UTP14A: variants seen among roughly 807,000 people sequenced by gnomAD.
UTP14A encodes U3 small nucleolar RNA-associated protein 14 homolog A.
Under a neutral mutation model 57.2 loss-of-function variants are expected in UTP14A, and 5 were observed. The observed-to-expected ratio is 0.09, with a 90% CI of 0.05 to 0.18. UTP14A has a LOEUF of 0.18. UTP14A is among the 10% of genes least tolerant of loss of function. The pLI is 1.00. For missense variants in UTP14A, 430 were observed against 562.1 expected (o/e 0.76, Z 2.38); for synonymous variants, 169 against 210.9 (o/e 0.80, Z 1.72).
Position 129,921,927 on chromosome X carries a change from G to A in UTP14A, c.1348+340G>A, listed in dbSNP as rs144972978. 1,052 of 172,638 alleles carry A rather than the reference G, an allele frequency of 6.1e-3. 16 individuals carry two copies. Among genetic ancestry groups the A allele is most frequent in the African/African-American group, 0.03 (981 of 33,032 alleles). 14.2% of individuals were successfully genotyped at this position (172,638 alleles called of 1,213,427 possible). ...GTACCTACACACCAGGGAGAAGTAC[G>A]TATGGTAGAATGGCAAATCTGAAAG... On this transcript the variant is annotated intron_variant, in intron 11 of 14. Coordinates refer to ENST00000394422, the MANE Select transcript of UTP14A (RefSeq NM_006649.4).
rs1347857493 is a variant in UTP14A, at chrX:129,911,752, C to T, written c.382-14C>T. ...CTTGTGGCTCTTTCCGTTTACATGCCTTGCCTGCTTCAGATCCACAGAGAA... is the reference window on the plus strand; with the variant it reads ...CTTGTGGCTCTTTCCGTTTACATGCTTTGCCTGCTTCAGATCCACAGAGAA... On this transcript the variant is annotated splice_polypyrimidine_tract_variant and intron_variant, in intron 5 of 14. Transcript: ENST00000394422. The T allele has an allele frequency of 8.3e-7, 1 of 1,208,270 alleles. No homozygotes were observed. Among genetic ancestry groups the T allele is most frequent in the East Asian group, 3.0e-5 (1 of 33,745 alleles).
intron 12 of UTP14A, among the ~76,000 whole-genome samples, chrX:129,925,710 G>C (rs965394075): frequency 1.8e-5 from 2 of 112,346 alleles, no homozygotes; most frequent in African/African-American, 6.5e-5. Flanking sequence ...GTTTAAAATT[G>C]TGTCATATGA....
chrX:129,912,522 TTTTC>T (rs779221449), intron 6 of UTP14A, among the ~76,000 whole-genome samples: 189 of 110,912 alleles, frequency 1.7e-3, no homozygotes, highest in African/African-American at 5.8e-3. Flanking sequence ...CATAATAATG[TTTTC>T]TTTCTTTTAC....
chrX:129,924,045 C>T (rs778942489), intron 11 of UTP14A, among the ~76,000 whole-genome samples: 1 of 108,928 alleles, frequency 9.2e-6, no homozygotes, highest in South Asian at 4.0e-4. Flanking sequence ...GCAGCCTTGA[C>T]CTTCTGGCTC....
At chrX:129,910,822 TG>T (rs1467193293) in intron 4 of UTP14A, among the ~76,000 whole-genome samples, 185 bp from the exon 5 acceptor site, 1 of 112,764 alleles carries the variant, frequency 8.9e-6, no homozygotes, top group East Asian at 2.8e-4. Flanking sequence ...CTAACACGTT[TG>T]GGGATGAATG....
intron 11 of UTP14A, 67 bp downstream of exon 11, chrX:129,921,654 A>T: frequency 9.0e-7 from 1 of 1,110,438 alleles, no homozygotes; most frequent in Non-Finnish European, 1.2e-6. Flanking sequence ...AGAAAAAAAA[A>T]ATGTGTCCAC....
In UTP14A at chrX:129,908,809, C is replaced by A. The variant is rs41304948; in HGVS notation, c.238+75C>A. On this transcript the variant is annotated intron_variant, in intron 4 of 14. Coordinates refer to ENST00000394422, the MANE Select transcript of UTP14A (RefSeq NM_006649.4). ...AGGGCATTGTGTTCACCTCACCCCC[C>A]CTAGGAACTGTTTTTGATGTGGTTA... 2.2e-3 allele frequency: 2,189 copies of A among 982,607 alleles called. 5 individuals carry two copies. The highest frequency in any genetic ancestry group is 3.0e-3 in the Non-Finnish European group (2,047 of 693,482). 81.0% of individuals were successfully genotyped at this position (982,607 alleles called of 1,213,427 possible).
rs1930235115 is a variant in UTP14A at position 129,929,450 on chromosome X, A to C, written c.2158A>C (p.Lys720Gln). Residue 720 changes from lysine to glutamine, a missense_variant, in exon 15 of 15, where the codon AAG (lysine) becomes CAG (glutamine). By Grantham distance (53) the Lys-to-Gln change is moderately conservative. Around this residue, in one of 4 missense-constraint regions of UTP14A, gnomAD observed 82 missense variants for 151.4 expected, o/e 0.54. Transcript: ENST00000394422. ...QRAFQKLTTPKVVTKPGHIIN... is the reference protein window; with the variant it reads ...QRAFQKLTTPQVVTKPGHIIN... The stretch of plus-strand genomic sequence containing the variant: ...GGCTTTCCAAAAGCTGACTACTCCC[A>C]AGGTCGTCACCAAGCCAGGCCATAT... The C allele has an allele frequency of 8.3e-7, 1 of 1,211,821 alleles. No individual in the cohort carries two copies. Among genetic ancestry groups the C allele is most frequent in the Non-Finnish European group, 1.1e-6 (1 of 895,528 alleles).
intron 6 of UTP14A, among the ~76,000 whole-genome samples, chrX:129,918,833 C>T (rs771621624): frequency 6.7e-4 from 73 of 109,195 alleles, no homozygotes; most frequent in Admixed American, 9.8e-5. Flanking sequence ...GCCGAGATCA[C>T]GCCACTGCAC....
intron 6 of UTP14A, among the ~76,000 whole-genome samples, chrX:129,914,463 G>C (rs1165434049): frequency 9.1e-6 from 1 of 109,374 alleles, no homozygotes; most frequent in African/African-American, 3.3e-5. Flanking sequence ...TGTAGTCTCA[G>C]CTGCTGAGGA....
chrX:129,919,498 G>A lies in UTP14A; in HGVS notation c.752+9G>A. The A allele has an allele frequency of 8.3e-7, 1 of 1,209,269 alleles. No homozygotes were observed. On this transcript the variant is annotated intron_variant, in intron 8 of 14. Coordinates refer to ENST00000394422, the MANE Select transcript of UTP14A (RefSeq NM_006649.4). ...AAAATCAAAAGTAAAAAGTAAGGAG[G>A]CCCCTGTGAACTGGCCTTGGGTTCC... is the stretch of plus-strand genomic sequence containing the variant.
At position 129,921,593 on chromosome X, in the gene UTP14A, C is replaced by T. The variant is rs755866564; in HGVS notation, c.1348+6C>T. On this transcript the variant is annotated splice_donor_region_variant and intron_variant, in intron 11 of 14. Transcript: ENST00000394422. ...AGGCAGTCAAGAAACAAAAGGTGAG[C>T]TGTGATCAAATGGAAGAGGGAAATT... 45 of 1,201,782 alleles carry T rather than the reference C, an allele frequency of 3.7e-5. No homozygotes were observed. The highest frequency in any genetic ancestry group is 5.0e-5 in the Non-Finnish European group (45 of 892,043).
Position 129,908,072 on chromosome X carries a change from G to A in UTP14A, c.115G>A (p.Gly39Arg). 1 of 1,208,027 alleles carries A rather than the reference G, an allele frequency of 8.3e-7. No individual in the cohort carries two copies. The highest frequency in any genetic ancestry group is 1.7e-5 in the African/African-American group (1 of 57,648). Residue 39 changes from glycine to arginine, a missense_variant, in exon 3 of 15, where the codon GGA (glycine) becomes AGA (arginine). By Grantham distance (125) the Gly-to-Arg change is moderately radical (BLOSUM62 -2). Coordinates refer to ENST00000394422, the MANE Select transcript of UTP14A (RefSeq NM_006649.4). Reference sequence around the variant, plus strand: ...TTCTGTGTCTTAGGGGGACAATGATGGAGAGAGAAAGCATCAAAAGCTTCT... The same window carrying A: ...TTCTGTGTCTTAGGGGGACAATGATAGAGAGAGAAAGCATCAAAAGCTTCT... ...SESEDEGDND[G>R]ERKHQKLLEA...
At chrX:129,907,704 C>T (rs1929301705) in intron 2 of UTP14A, among the ~76,000 whole-genome samples, 1 of 112,175 alleles carries the variant, frequency 8.9e-6, no homozygotes, top group Non-Finnish European at 1.9e-5. Context: ...TGCCTGTAAT[C>T]CCAGCACTTT....
At chrX:129,912,240 G>A (rs1481502862) in intron 6 of UTP14A, among the ~76,000 whole-genome samples, 4 of 109,416 alleles carry the variant, frequency 3.7e-5, no homozygotes, top group Non-Finnish European at 5.7e-5. Flanking sequence ...AGCCTCCCAA[G>A]TAGCTGGGAT....
Position 129,925,191 on chromosome X carries a change from A to T in UTP14A, c.1745A>T (p.Glu582Val). Residue 582 changes from glutamate to valine, a missense_variant, in exon 12 of 15, where the codon GAG becomes GTG. This residue lies in a region of UTP14A where 120 missense variants were observed against 116.8 expected (regional missense o/e 1.03). Transcript: ENST00000394422. ...TCTTTGGCAGTTCCCACAATAGAGG[A>T]GCTGGTGAGCAGAGCCAGGGTGGTG... ...VKSLAVPTIE[E>V]LEDEEERNHR... 1 of 1,205,394 alleles carries T rather than the reference A, an allele frequency of 8.3e-7. No homozygotes were observed.
intron 11 of UTP14A, 76 bp downstream of exon 11, chrX:129,921,663 A>C: frequency 9.3e-7 from 1 of 1,069,895 alleles, no homozygotes; most frequent in Non-Finnish European, 1.2e-6. Context: ...AAATGTGTCC[A>C]CCCACACACA....
Position 129,910,593 on chromosome X carries a change from C to T in UTP14A, c.239-415C>T, listed in dbSNP as rs764428317. On this transcript the variant is annotated intron_variant, in intron 4 of 14. Coordinates refer to ENST00000394422, the MANE Select transcript of UTP14A (RefSeq NM_006649.4). Reference sequence around the variant, plus strand: ...TAGTGCCAGCTACTTGGGAGGATTGCCTGAGCCTGGGAGGCAGAGATGGCA... The same window carrying T: ...TAGTGCCAGCTACTTGGGAGGATTGTCTGAGCCTGGGAGGCAGAGATGGCA... Among the ~76,000 whole-genome samples the T allele has an allele frequency of 1.2e-4, 13 of 111,689 alleles. No homozygotes were observed. In the South Asian group the frequency reaches 4.8e-3, roughly 42 times the overall value.
chrX:129,912,624 T>C (rs1845085746), intron 6 of UTP14A, among the ~76,000 whole-genome samples: 2 of 111,339 alleles, frequency 1.8e-5, no homozygotes, highest in Admixed American at 1.9e-4. Context: ...AGTGAGGATA[T>C]GTGAACAACA....
Sources: gnomAD v4.1 joint callset for allele counts (sites outside exome capture counted in the v4.1 genomes callset) on GRCh38, gnomAD v4.1.1 for gene constraint, gnomAD v4.1.1 regional missense constraint, MANE v1.5 for transcripts, NCBI Gene and HGNC (gene_info 2026-07-23, HGNC 2026-07-21) for gene names.